Variants in AP1G1 observed in about 807,000 individuals in gnomAD.
AP1G1 encodes AP-1 complex subunit gamma-1.
AP1G1 carries 7 observed loss-of-function variants against 108.3 expected under a neutral mutation model. That is an observed-to-expected ratio of 0.06 (90% CI 0.04 to 0.12). The LOEUF is 0.12. AP1G1 is among the 10% of genes least tolerant of loss of function. The pLI is 1.00. For missense variants in AP1G1, 756 were observed against 1,010.7 expected (o/e 0.75, Z 3.42); for synonymous variants, 379 against 353.5 (o/e 1.07, Z -0.81).
At position 71,771,133 on chromosome 16, in the gene AP1G1, T is replaced by C; in HGVS notation, c.565+23A>G. 10 of 1,436,702 alleles carry C rather than the reference T, an allele frequency of 7.0e-6. 1 individual carries two copies. In the Admixed American group the frequency reaches 1.4e-4, roughly 19 times the overall value. 89.0% of individuals were successfully genotyped at this position (1,436,702 alleles called of 1,614,324 possible). On this transcript the variant is annotated intron_variant, in intron 5 of 22. Transcript: ENST00000299980. ...TTTCCCTTTCTCCCTCAATACTTCA[T>C]GAATACATCCAAATTACATTACCAT...
At chr16:71,741,658 G>A (rs2045623446) in intron 19 of AP1G1, among the ~76,000 whole-genome samples, 1 of 152,166 alleles carries the variant, frequency 6.6e-6, no homozygotes, top group African/African-American at 2.4e-5. Flanking sequence ...GCAAGCACGA[G>A]AAGCTAAAAT....
chr16:71,758,286 G>A (rs1332220336), intron 11 of AP1G1: 1 of 386,818 alleles, frequency 2.6e-6, no homozygotes, highest in Non-Finnish European at 5.3e-6. Context: ...ACTCCACTGA[G>A]GGAAGAGATT....
At chr16:71,746,771 G>C (rs1165944957) in intron 16 of AP1G1, 79 bp from the exon 17 acceptor site, 11 of 1,043,606 alleles carry the variant, frequency 1.1e-5, no homozygotes, top group Non-Finnish European at 1.6e-5. Context: ...TAATAAGCCA[G>C]AATTTTCTGG....
intron 21 of AP1G1, among the ~76,000 whole-genome samples, chr16:71,737,807 AC>A (rs2045568496): frequency 6.6e-6 from 1 of 152,284 alleles, no homozygotes; most frequent in Non-Finnish European, 1.5e-5. Context: ...CTTAGTCTAA[AC>A]CAGTGGTTGG....
intron 6 of AP1G1, among the ~76,000 whole-genome samples, chr16:71,768,464 G>T (rs2031409818): frequency 8.2e-6 from 1 of 122,566 alleles, no homozygotes; most frequent in Admixed American, 1.1e-4. Flanking sequence ...TTGCACCACT[G>T]CACCTCAGCC....
At chr16:71,733,933 G>A (rs4788552) in intron 22 of AP1G1, among the ~76,000 whole-genome samples, 52,440 of 152,018 alleles carry the variant, frequency 0.34, 9,821 homozygotes, top group East Asian at 0.76. Flanking sequence ...AAATACAAAT[G>A]CACTAAGACA....
intron 1 of AP1G1, among the ~76,000 whole-genome samples, chr16:71,795,005 C>A (rs566937815): frequency 6.6e-6 from 1 of 151,922 alleles, no homozygotes; most frequent in Non-Finnish European, 1.5e-5. Flanking sequence ...GCTAAAATAT[C>A]TTTAAAAAAA....
intron 4 of AP1G1, 83 bp downstream of exon 4, chr16:71,773,135 TCAG>T: frequency 3.5e-6 from 5 of 1,439,794 alleles, no homozygotes; most frequent in Non-Finnish European, 3.9e-6. Flanking sequence ...TACATTATCA[TCAG>T]ATCTTTCAAA....
In AP1G1 at chr16:71,750,370, C is replaced by A. The variant is rs758892786; in HGVS notation, c.1285-38G>T. 2.5e-6 allele frequency: 4 copies of A among 1,609,754 alleles called. No homozygotes were observed. In the African/African-American group the frequency reaches 5.3e-5, roughly 22 times the overall value. ...GCAGACAATTACCCCTAGAAACACA[C>A]AGAAATGATGATAACAAGTGTTAGC... On this transcript the variant is annotated intron_variant, in intron 13 of 22. Coordinates refer to ENST00000299980, the MANE Select transcript of AP1G1 (RefSeq NM_001128.6).
chr16:71,799,441 C>T (rs2032704272), intron 1 of AP1G1, among the ~76,000 whole-genome samples: 1 of 152,116 alleles, frequency 6.6e-6, no homozygotes, highest in South Asian at 2.1e-4. Flanking sequence ...CTATAAGACA[C>T]AATAGGACTG....
chr16:71,789,977 A>C (rs1288959683), intron 1 of AP1G1, among the ~76,000 whole-genome samples: 1 of 152,228 alleles, frequency 6.6e-6, no homozygotes, highest in Non-Finnish European at 1.5e-5. Flanking sequence ...TGTCAGATTA[A>C]AACACATTCA....
intron 1 of AP1G1, among the ~76,000 whole-genome samples, chr16:71,800,813 G>T (rs148463868): frequency 7.0e-6 from 1 of 143,530 alleles, no homozygotes; most frequent in East Asian, 2.0e-4. Context: ...AAAAAAAAAA[G>T]AAAGAAACCC....
chr16:71,773,402 T>C (rs774911547), intron 3 of AP1G1, 40 bp from the exon 4 acceptor site: 99 of 1,461,906 alleles, frequency 6.8e-5, no homozygotes, highest in Non-Finnish European at 8.8e-5. Context: ...AGCCTGGTGC[T>C]CCCCAAGAAG....
In AP1G1 at chr16:71,764,636, G is replaced by T. The variant is rs1273112297; in HGVS notation, c.819+10C>A. 6.4e-7 allele frequency: 1 copy of T among 1,559,758 alleles called. No individual in the cohort carries two copies. The highest frequency in any genetic ancestry group is 2.3e-5 in the East Asian group (1 of 44,096). On this transcript the variant is annotated intron_variant, in intron 8 of 22. Coordinates refer to ENST00000299980, the MANE Select transcript of AP1G1 (RefSeq NM_001128.6). ...AATAAATATATATTTAATATGTTTG[G>T]TCTACTCACCTGTGCTAATATATCA... is the stretch of plus-strand genomic sequence containing the variant.
At chr16:71,748,136 A>G in intron 16 of AP1G1, 115 bp downstream of exon 16, 1 of 1,076,362 alleles carries the variant, frequency 9.3e-7, no homozygotes, top group African/African-American at 1.6e-5. Flanking sequence ...TTGTGTTATT[A>G]TTCTCTCTAC....
chr16:71,761,668 T>C (rs1426497817), intron 9 of AP1G1, 101 bp from the exon 10 acceptor site: 2 of 870,968 alleles, frequency 2.3e-6, no homozygotes, highest in African/African-American at 1.7e-5. Context: ...CTTCACAGAC[T>C]GCTAGCAAAA....
chr16:71,748,402 G>T (rs369635308), intron 15 of AP1G1, 24 bp from the exon 16 acceptor site: 4 of 1,605,292 alleles, frequency 2.5e-6, no homozygotes, highest in Non-Finnish European at 3.4e-6. Context: ...GGAAAAAGAA[G>T]ACGATGAAGA....
At chr16:71,806,673 A>C (rs1441633189) in intron 1 of AP1G1, 1 of 1,282,458 alleles carries the variant, frequency 7.8e-7, no homozygotes, top group South Asian at 1.2e-5. Context: ...AGTAACTGCG[A>C]GGGCATACTT....
chr16:71,804,778 A>G (rs546521405), intron 1 of AP1G1, among the ~76,000 whole-genome samples: 1 of 152,270 alleles, frequency 6.6e-6, no homozygotes, highest in East Asian at 1.9e-4. Context: ...GCACTTTGGG[A>G]GACAGAGGTG....
Sources: gnomAD v4.1 joint callset for allele counts (sites outside exome capture counted in the v4.1 genomes callset) on GRCh38, gnomAD v4.1.1 for gene constraint, MANE v1.5 for transcripts, NCBI Gene and HGNC (gene_info 2026-07-23, HGNC 2026-07-21) for gene names.